Variants in BFSP1 observed in about 807,000 individuals in gnomAD.
The protein encoded by BFSP1 is beaded filament structural protein 1, also known as filensin.
BFSP1 carries 38 observed loss-of-function variants against 43.9 expected under a neutral mutation model. The observed-to-expected ratio is 0.87, with a 90% CI of 0.67 to 1.14. The LOEUF (loss-of-function observed/expected upper bound fraction) is 1.14, where lower values mean the gene tolerates loss of function less well. Among genes scored for constraint, BFSP1 ranks in the 50% most tolerant of loss-of-function variants. BFSP1 has a pLI of 0.00. For synonymous variants in BFSP1, 352 were observed against 354.8 expected, an observed-to-expected ratio of 0.99 and a Z score of 0.09; for missense variants, 850 against 875.1, an observed-to-expected ratio of 0.97 and a Z score of 0.36.
chr20:17,559,351 C>G (rs769187093), upstream of BFSP1, among the ~76,000 whole-genome samples: 1 of 152,316 alleles, frequency 6.6e-6, no homozygotes, highest in South Asian at 2.1e-4. Context: ...ATTACTAGAA[C>G]AGGATACTTC....
In BFSP1 at chr20:17,512,122, C is replaced by T. The variant is rs541971493; in HGVS notation, c.535-54G>A. 4 of 1,445,786 alleles carry T rather than the reference C, an allele frequency of 2.8e-6. No homozygotes were observed. In the East Asian group the frequency reaches 9.1e-5, roughly 33 times the overall value. The allele number at this position is 1,445,786 out of a possible 1,614,324, so 89.6% of individuals were successfully genotyped here. ...ATAAGTTGAGCTGCGCTGGTTTTTC[C>T]TTCTAGTACTAGATGAGAACAGGAA... On this transcript the variant is annotated intron_variant, in intron 3 of 7. Transcript: ENST00000377873.
chr20:17,497,916 C>T (rs143222964), intron 6 of BFSP1, among the ~76,000 whole-genome samples: 68 of 152,214 alleles, frequency 4.5e-4, no homozygotes, highest in African/African-American at 1.3e-3. Context: ...ACAAAGTCAC[C>T]GAAATGCCAG....
chr20:17,498,750 C>A lies in BFSP1; in HGVS notation c.956+70G>T, dbSNP rs1195317660. ...GCCCACTGCCTATAACTGTGCCTGG[C>A]ACACAATAGGCACTCAATAAAGAGT... is the stretch of plus-strand genomic sequence containing the variant. On this transcript the variant is annotated intron_variant, in intron 6 of 7. Transcript: ENST00000377873. 5.3e-6 allele frequency: 8 copies of A among 1,515,636 alleles called. No individual in the cohort carries two copies. In the African/African-American group the frequency reaches 6.9e-5, roughly 13 times the overall value. The allele number at this position is 1,515,636 out of a possible 1,614,324, so 93.9% of individuals were successfully genotyped here.
chr20:17,524,382 G>A (rs2034377301), intron 2 of BFSP1, among the ~76,000 whole-genome samples: 1 of 152,160 alleles, frequency 6.6e-6, no homozygotes, highest in African/African-American at 2.4e-5. Context: ...TATTGGTCAC[G>A]CTATAAGAGG....
In BFSP1 at chr20:17,530,009, G is replaced by A. The variant is rs146642692; in HGVS notation, c.377+944C>T. ...ACACATTACTCAATCTGTGGGAGGG[G>A]AGACCATGCCCTGGACCAGTGCTGC... On this transcript the variant is annotated intron_variant, in intron 1 of 7. Coordinates refer to ENST00000377873, the MANE Select transcript of BFSP1 (RefSeq NM_001195.5). Among the ~76,000 whole-genome samples the A allele has an allele frequency of 7.8e-3, 1,183 of 152,304 alleles. 7 individuals are homozygous for A. The highest frequency in any genetic ancestry group is 0.017 in the South Asian group (80 of 4,826).
intron 5 of BFSP1, among the ~76,000 whole-genome samples, chr20:17,504,134 G>A (rs569615997): frequency 2.0e-5 from 3 of 152,226 alleles, no homozygotes; most frequent in African/African-American, 7.2e-5. Flanking sequence ...GGAACACTGC[G>A]GGAGGAGCTC....
In BFSP1 at chr20:17,504,661, G is replaced by A. The variant is rs73253991; in HGVS notation, c.735+4228C>T. 1.2e-3 allele frequency among the ~76,000 whole-genome samples: 181 copies of A among 152,340 alleles called. 1 individual carries two copies. The highest frequency in any genetic ancestry group is 4.1e-3 in the African/African-American group (169 of 41,592). On this transcript the variant is annotated intron_variant, in intron 5 of 7. Transcript: ENST00000377873. ...GAAACTGCAGGAGGGGTCAGGAGAC[G>A]AAGAGAAGAGAGGTTGGCCCAGGGT...
chr20:17,496,599 T>C (rs1462167335), intron 7 of BFSP1, among the ~76,000 whole-genome samples: 4 of 152,146 alleles, frequency 2.6e-5, no homozygotes, highest in Admixed American at 1.3e-4. Flanking sequence ...GAAGTGAATA[T>C]TGAGTTGTAC....
chr20:17,497,226 A>G (rs1382862704), intron 6 of BFSP1, among the ~76,000 whole-genome samples: 1 of 152,146 alleles, frequency 6.6e-6, no homozygotes, highest in Non-Finnish European at 1.5e-5. Context: ...TGAGCTCAAG[A>G]GTCATAAACT....
chr20:17,545,258 G>C (rs1390578892), intron 1 of BFSP1, among the ~76,000 whole-genome samples: 1 of 152,190 alleles, frequency 6.6e-6, no homozygotes, highest in Non-Finnish European at 1.5e-5. Flanking sequence ...GGGTTTGCGG[G>C]CTGGGCTGGA....
chr20:17,512,715 G>A lies in BFSP1; in HGVS notation c.535-647C>T, dbSNP rs564389346. On this transcript the variant is annotated intron_variant, in intron 3 of 7. Transcript: ENST00000377873. ...AGCCTGAGTGATAGAATGAGACACCGTGTCAAAAATAAATAAGTTAAAAGG... is the reference window on the plus strand; with the variant it reads ...AGCCTGAGTGATAGAATGAGACACCATGTCAAAAATAAATAAGTTAAAAGG... Among the ~76,000 whole-genome samples the A allele has an allele frequency of 2.0e-5, 3 of 152,230 alleles. No individual in the cohort carries two copies. The South Asian group carries it at 6.2e-4, about 32-fold the overall frequency.
At chr20:17,495,477 G>C (rs1290243892) in intron 7 of BFSP1, among the ~76,000 whole-genome samples, 2 of 152,172 alleles carry the variant, frequency 1.3e-5, no homozygotes, top group African/African-American at 4.8e-5. Context: ...AAGGAGAGAC[G>C]ACAGAGCTAC....
chr20:17,511,931 G>C (rs544914005), intron 4 of BFSP1, 45 bp downstream of exon 4: 1 of 1,523,778 alleles, frequency 6.6e-7, no homozygotes. Context: ...TCCAGGTACA[G>C]CTTCCCTCCA....
At chr20:17,495,125 A>C (rs1181304530) in intron 7 of BFSP1, 96 bp from the exon 8 acceptor site, 2 of 1,206,266 alleles carry the variant, frequency 1.7e-6, no homozygotes, top group African/African-American at 3.0e-5. Flanking sequence ...CTCGGAAACA[A>C]ACGCCTATAG....
Position 17,525,338 on chromosome 20 carries a change from C to T in BFSP1, c.378-430G>A, listed in dbSNP as rs1436263093. Among the ~76,000 whole-genome samples the T allele has an allele frequency of 6.6e-6, 1 of 152,210 alleles. No individual in the cohort carries two copies. The highest frequency in any genetic ancestry group is 1.9e-4 in the East Asian group (1 of 5,200). ...TCCTATAGTATTTTATTTGCTGACA[C>T]ATGTAATTTGTCAGTTTTTCTGGAT... is the stretch of plus-strand genomic sequence containing the variant. On this transcript the variant is annotated intron_variant, in intron 1 of 7. Transcript: ENST00000377873. The surrounding 1 kb of genome is among the most constrained non-coding windows in gnomAD (Gnocchi z 4.2).
At chr20:17,535,500 CA>C (rs1486991828), upstream of BFSP1, among the ~76,000 whole-genome samples, 1 of 152,150 alleles carries the variant, frequency 6.6e-6, no homozygotes, top group African/African-American at 2.4e-5. Flanking sequence ...CAATGCACTC[CA>C]GCCTGGCAAC....
At position 17,498,836 on chromosome 20, in the gene BFSP1, C is replaced by T. The variant is rs751568608; in HGVS notation, c.940G>A (p.Glu314Lys). ...CACGCTCACCTGTTGCCTTCAATCT[C>T]GATGATACGATGATACCGGTCCAGC... ...NELDRYHRII[E>K]IEGNRLTSAF... is the part of the protein sequence containing the mutation. The change falls in exon 6 of 8, where the codon GAG becomes AAG. Residue 314 changes from glutamate (E) to lysine (K), a missense_variant. Coordinates refer to ENST00000377873, the MANE Select transcript of BFSP1 (RefSeq NM_001195.5). The T allele has an allele frequency of 2.4e-5, 38 of 1,612,808 alleles. No homozygotes were observed. The highest frequency in any genetic ancestry group is 3.1e-5 in the Non-Finnish European group (36 of 1,179,974).
intron 1 of BFSP1, among the ~76,000 whole-genome samples, chr20:17,543,901 C>T (rs186625784): frequency 4.6e-5 from 7 of 152,302 alleles, no homozygotes; most frequent in South Asian, 2.1e-4. Flanking sequence ...ATAAACTGGA[C>T]GTGATAGAAG....
chr20:17,553,844 TATATACATATATATACACATATATATAC>T (rs2034942914), intron 1 of BFSP1, among the ~76,000 whole-genome samples: 1 of 87,672 alleles, frequency 1.1e-5, no homozygotes, highest in African/African-American at 8.0e-5. Context: ...TATACACATA[TATATACATATATATACACATATATATAC>T]ATATATATAT....
Sources: allele counts gnomAD v4.1 joint callset (sites outside exome capture counted in the v4.1 genomes callset), GRCh38; gene constraint gnomAD v4.1.1; non-coding constraint Gnocchi (gnomAD v3.1); transcripts MANE v1.5; gene names NCBI Gene and HGNC (gene_info 2026-07-23, HGNC 2026-07-21).